Variants in ADGRL3 observed in about 807,000 individuals in gnomAD.
ADGRL3 encodes calcium-independent alpha-latrotoxin receptor 3.
ADGRL3 carries 62 observed loss-of-function variants against 153.5 expected under a neutral mutation model. That is an observed-to-expected ratio of 0.40 (90% CI 0.33 to 0.50). The LOEUF (loss-of-function observed/expected upper bound fraction) is 0.50. Ranked by LOEUF, ADGRL3 falls within the 20% of genes least tolerant of loss-of-function variation. The pLI is 0.47. For missense variants in ADGRL3, 1,641 were observed against 1,859.4 expected (o/e 0.88, Z 2.16); for synonymous variants, 710 against 672.5 (o/e 1.06, Z -0.86).
chr4:61,358,153 C>A (rs1346878196), intron 1 of ADGRL3, among the ~76,000 whole-genome samples: 4 of 152,130 alleles, frequency 2.6e-5, no homozygotes, highest in Non-Finnish European at 4.4e-5. Flanking sequence ...AAGTTTAATT[C>A]TCAGTTCCCA....
intron 1 of ADGRL3, among the ~76,000 whole-genome samples, chr4:61,368,403 T>C (rs1235008822): frequency 6.6e-6 from 1 of 152,226 alleles, no homozygotes; most frequent in Non-Finnish European, 1.5e-5. Context: ...TTGATTTTTG[T>C]ATAAGGTGTA....
At chr4:61,301,134 C>T (rs2094570511) in intron 1 of ADGRL3, among the ~76,000 whole-genome samples, 1 of 152,144 alleles carries the variant, frequency 6.6e-6, no homozygotes, top group African/African-American at 2.4e-5. Context: ...GATAAAGCTG[C>T]AGATTATGGT....
intron 1 of ADGRL3, among the ~76,000 whole-genome samples, chr4:61,248,820 G>C (rs1304769633): frequency 6.6e-6 from 1 of 152,108 alleles, no homozygotes; most frequent in Non-Finnish European, 1.5e-5. Flanking sequence ...TGAAAGGAAG[G>C]GAATGAATAG....
At chr4:61,734,932 G>A (rs2096489520) in intron 8 of ADGRL3, among the ~76,000 whole-genome samples, 1 of 152,172 alleles carries the variant, frequency 6.6e-6, no homozygotes, top group Admixed American at 6.5e-5. Flanking sequence ...ATATAGTGAA[G>A]TGCACAAAAC....
At chr4:61,525,178 G>T (rs1042656811) in intron 4 of ADGRL3, among the ~76,000 whole-genome samples, 1 of 151,956 alleles carries the variant, frequency 6.6e-6, no homozygotes, top group Non-Finnish European at 1.5e-5. Context: ...GGTATGAGAT[G>T]GAGATAAACG....
chr4:61,873,181 A>C (rs764219534), intron 9 of ADGRL3, among the ~76,000 whole-genome samples: 2 of 152,162 alleles, frequency 1.3e-5, no homozygotes, highest in Non-Finnish European at 2.9e-5. Context: ...CAGAAGTTTC[A>C]TTCTCAGATT....
intron 2 of ADGRL3, among the ~76,000 whole-genome samples, chr4:61,433,465 A>C (rs2097401905): frequency 6.6e-6 from 1 of 152,176 alleles, no homozygotes; most frequent in Non-Finnish European, 1.5e-5. Context: ...AAATATCAAT[A>C]GTATTTTAAG....
At position 61,634,064 on chromosome 4, in the gene ADGRL3, T is replaced by G. The variant is rs1294832804; in HGVS notation, c.474-42762T>G. Among the ~76,000 whole-genome samples the G allele has an allele frequency of 6.6e-4, 101 of 151,940 alleles. 2 individuals carry two copies. Among genetic ancestry groups the G allele is most frequent in the African/African-American group, 2.3e-3 (96 of 41,244 alleles). On this transcript the variant is annotated intron_variant, in intron 5 of 26. Coordinates refer to ENST00000683033, the MANE Select transcript of ADGRL3 (RefSeq NM_001387552.1). Reference sequence around the variant, plus strand: ...TAACACTGGACCTATATTGCAATTTTGAGTTTTAAAGTATGAGTATTGTTT... The same window carrying G: ...TAACACTGGACCTATATTGCAATTTGGAGTTTTAAAGTATGAGTATTGTTT...
At chr4:61,902,964 T>G (rs2098672981) in intron 11 of ADGRL3, among the ~76,000 whole-genome samples, 1 of 152,180 alleles carries the variant, frequency 6.6e-6, no homozygotes, top group Non-Finnish European at 1.5e-5. Flanking sequence ...AGCACAGGAC[T>G]GTAGAGATTC....
At chr4:61,324,902 G>T (rs1018157601) in intron 1 of ADGRL3, among the ~76,000 whole-genome samples, 2 of 152,098 alleles carry the variant, frequency 1.3e-5, no homozygotes. Flanking sequence ...TTTGCATAGT[G>T]TAATTCATTA....
intron 1 of ADGRL3, among the ~76,000 whole-genome samples, chr4:61,289,922 C>T (rs1404222690): frequency 1.3e-5 from 2 of 152,116 alleles, no homozygotes; most frequent in Non-Finnish European, 2.9e-5. Flanking sequence ...CCATGTAAAT[C>T]TGTAGCATAG....
chr4:61,365,808 GA>G (rs1245440156), intron 1 of ADGRL3, among the ~76,000 whole-genome samples: 2 of 151,850 alleles, frequency 1.3e-5, no homozygotes, highest in East Asian at 1.9e-4. Context: ...TCAAATAACA[GA>G]AAAAAATGAG....
intron 1 of ADGRL3, among the ~76,000 whole-genome samples, chr4:61,217,095 A>C (rs1743139679): frequency 6.6e-6 from 1 of 152,246 alleles, no homozygotes; most frequent in African/African-American, 2.4e-5. Context: ...TGCAGGGTGC[A>C]GGGGATATGG....
intron 5 of ADGRL3, among the ~76,000 whole-genome samples, chr4:61,621,020 A>G (rs1438571991): frequency 6.6e-6 from 1 of 151,888 alleles, no homozygotes; most frequent in Non-Finnish European, 1.5e-5. Flanking sequence ...CTTATTTGTT[A>G]TTTTTGTTTG....
chr4:61,790,177 T>C (rs935374647), intron 8 of ADGRL3, among the ~76,000 whole-genome samples: 4 of 152,226 alleles, frequency 2.6e-5, no homozygotes, highest in African/African-American at 9.6e-5. Flanking sequence ...CTCATGTATT[T>C]CATATTTAAA....
At chr4:62,059,587 T>G (rs2151844822) in intron 25 of ADGRL3, among the ~76,000 whole-genome samples, 1 of 152,226 alleles carries the variant, frequency 6.6e-6, no homozygotes, top group East Asian at 1.9e-4. Context: ...TATATTAATT[T>G]TTATAAGTGT....
intron 2 of ADGRL3, among the ~76,000 whole-genome samples, chr4:61,424,965 C>A (rs994652342): frequency 3.9e-5 from 6 of 152,120 alleles, no homozygotes; most frequent in African/African-American, 1.4e-4. Context: ...CAAAGGCCAT[C>A]CCCAGGTACA....
intron 1 of ADGRL3, among the ~76,000 whole-genome samples, chr4:61,292,843 G>T (rs2094273495): frequency 6.6e-6 from 1 of 152,060 alleles, no homozygotes; most frequent in African/African-American, 2.4e-5. Context: ...CACTGGGAAG[G>T]CAAATAGAAC....
At chr4:61,581,782 G>A (rs1579661041) in intron 4 of ADGRL3, among the ~76,000 whole-genome samples, 1 of 151,952 alleles carries the variant, frequency 6.6e-6, no homozygotes. Flanking sequence ...CAGAAACGTG[G>A]CAGCCATTCT....
Sources: allele counts gnomAD v4.1 joint callset (sites outside exome capture counted in the v4.1 genomes callset), GRCh38; gene constraint gnomAD v4.1.1; transcripts MANE v1.5; gene names NCBI Gene and HGNC (gene_info 2026-07-23, HGNC 2026-07-21).